The following EGFR variants were observed in gnomAD, a reference collection of about 807,000 sequenced individuals.
EGFR encodes epidermal growth factor receptor.
Under a neutral mutation model 143.0 loss-of-function variants are expected in EGFR, and 58 were observed. The observed-to-expected ratio is 0.41, with a 90% CI of 0.33 to 0.50. EGFR has a LOEUF of 0.50. Ranked by LOEUF, EGFR falls within the 20% of genes least tolerant of loss-of-function variation. EGFR has a pLI of 0.39. For synonymous variants in EGFR, 613 were observed against 594.4 expected, an observed-to-expected ratio of 1.03 and a Z score of -0.45; for missense variants, 1,307 against 1,579.0, an observed-to-expected ratio of 0.83 and a Z score of 2.92.
intron 1 of EGFR, among the ~76,000 whole-genome samples, chr7:55,097,009 C>T (rs1465842444): frequency 6.6e-6 from 1 of 152,190 alleles, no homozygotes; most frequent in Non-Finnish European, 1.5e-5. Flanking sequence ...GCTCCCTTTC[C>T]CTAGTAAGGA....
chr7:55,168,761 T>C, intron 15 of EGFR: 1 of 565,230 alleles, frequency 1.8e-6, no homozygotes, highest in Middle Eastern at 4.8e-4. Flanking sequence ...CCCAAAGCCA[T>C]TAATTATATA....
Position 55,151,378 on chromosome 7 carries a change from G to A in EGFR, c.628+16G>A, listed in dbSNP as rs1785141394. On this transcript the variant is annotated intron_variant, in intron 5 of 27. Coordinates refer to ENST00000275493, the MANE Select transcript of EGFR (RefSeq NM_005228.5). ...TGCCAGAAACGTAAGTCAGTGAACAGCCTCAGACCCATGTGTGACCGCCCC... is the reference window on the plus strand; with the variant it reads ...TGCCAGAAACGTAAGTCAGTGAACAACCTCAGACCCATGTGTGACCGCCCC... 2 of 1,613,930 alleles carry A rather than the reference G, an allele frequency of 1.2e-6. No homozygotes were observed. The highest frequency in any genetic ancestry group is 1.3e-5 in the African/African-American group (1 of 74,924).
At chr7:55,202,935 CTGTGTATGTGTGTG>C (rs1787918355) in intron 27 of EGFR, 4 of 625,492 alleles carry the variant, frequency 6.4e-6, no homozygotes, top group Middle Eastern at 4.1e-4. Context: ...GTGTGTACAT[CTGTGTATGTGTGTG>C]TGTGTATGTG....
intron 13 of EGFR, among the ~76,000 whole-genome samples, chr7:55,162,980 C>G (rs996346875): frequency 6.6e-6 from 1 of 152,172 alleles, no homozygotes; most frequent in Admixed American, 6.5e-5. Flanking sequence ...TTAGTAGAGA[C>G]GGGGTTTCAC....
chr7:55,096,559 G>A (rs899837280), intron 1 of EGFR, among the ~76,000 whole-genome samples: 3 of 152,194 alleles, frequency 2.0e-5, no homozygotes, highest in African/African-American at 7.2e-5. Flanking sequence ...AGGAAGACAG[G>A]AAGTGTCAGG....
intron 1 of EGFR, among the ~76,000 whole-genome samples, chr7:55,072,646 C>A (rs1562690281): frequency 2.0e-5 from 3 of 152,132 alleles, no homozygotes; most frequent in Non-Finnish European, 4.4e-5. Flanking sequence ...CTAATAGGAC[C>A]AACAGTGGTA....
At chr7:55,031,953 GT>G (rs1464340517) in intron 1 of EGFR, among the ~76,000 whole-genome samples, 1 of 152,192 alleles carries the variant, frequency 6.6e-6, no homozygotes, top group Non-Finnish European at 1.5e-5. Flanking sequence ...GTAGCATGAG[GT>G]GGTGGTCACA....
intron 21 of EGFR, among the ~76,000 whole-genome samples, chr7:55,192,486 A>T (rs1787442975): frequency 6.6e-6 from 1 of 152,214 alleles, no homozygotes; most frequent in Non-Finnish European, 1.5e-5. Context: ...AAACACACGC[A>T]GACCTGGATG....
chr7:55,138,938 G>T (rs1794307079), intron 1 of EGFR, among the ~76,000 whole-genome samples: 1 of 152,120 alleles, frequency 6.6e-6, no homozygotes, highest in Non-Finnish European at 1.5e-5. Context: ...AGGTGGTGGG[G>T]AAGAGAAAAA....
rs568687574 is a variant in EGFR, at chr7:55,057,205, A to C, written c.88+37840A>C. Reference sequence around the variant, plus strand: ...GATCAACTTTAAGAAGAATTTTTTAAAAGCTAGAGCAATCCTAAAATGGAA... The same window carrying C: ...GATCAACTTTAAGAAGAATTTTTTACAAGCTAGAGCAATCCTAAAATGGAA... On this transcript the variant is annotated intron_variant, in intron 1 of 27. Coordinates refer to ENST00000275493, the MANE Select transcript of EGFR (RefSeq NM_005228.5). Among the ~76,000 whole-genome samples, 25 of 152,314 alleles carry C rather than the reference A, an allele frequency of 1.6e-4. No individual in the cohort carries two copies. In the East Asian group the frequency reaches 4.8e-3, roughly 29 times the overall value.
At chr7:55,136,830 T>C (rs1318650758) in intron 1 of EGFR, among the ~76,000 whole-genome samples, 1 of 152,254 alleles carries the variant, frequency 6.6e-6, no homozygotes, top group Non-Finnish European at 1.5e-5. Flanking sequence ...CAGTGGACTG[T>C]GTCACCAGCA....
At chr7:55,171,153 A>T (rs773836626) in intron 15 of EGFR, 22 bp from the exon 16 acceptor site, 7 of 1,614,062 alleles carry the variant, frequency 4.3e-6, no homozygotes, top group Non-Finnish European at 5.9e-6. Context: ...AAAAATGTAT[A>T]TTTCTCTTTC....
chr7:55,060,851 C>A (rs1367107458), intron 1 of EGFR, among the ~76,000 whole-genome samples: 1 of 152,170 alleles, frequency 6.6e-6, no homozygotes, highest in African/African-American at 2.4e-5. Flanking sequence ...AACTGTGTAA[C>A]CATGTGAGCG....
intron 1 of EGFR, among the ~76,000 whole-genome samples, chr7:55,066,472 C>T (rs140575197): frequency 0.015 from 2,297 of 152,242 alleles, 57 homozygotes; most frequent in African/African-American, 0.052. Context: ...CGTCAGCCTG[C>T]GGCACACAAG....
Position 55,195,669 on chromosome 7 carries a change from C to G in EGFR, c.2701+2828C>G, listed in dbSNP as rs529865415. ...TATTTTTCCTGATCCTCTCCCTCCTCCCATCCTCCACCGTCCTATAGACCC... is the reference window on the plus strand; with the variant it reads ...TATTTTTCCTGATCCTCTCCCTCCTGCCATCCTCCACCGTCCTATAGACCC... On this transcript the variant is annotated intron_variant, in intron 22 of 27. Coordinates refer to ENST00000275493, the MANE Select transcript of EGFR (RefSeq NM_005228.5). 1.1e-4 allele frequency among the ~76,000 whole-genome samples: 17 copies of G among 152,288 alleles called. No individual in the cohort carries two copies. The East Asian group carries it at 1.2e-3, about 10-fold the overall frequency.
chr7:55,173,613 C>G (rs1786458293), intron 17 of EGFR, among the ~76,000 whole-genome samples: 1 of 152,266 alleles, frequency 6.6e-6, no homozygotes, highest in Non-Finnish European at 1.5e-5. Flanking sequence ...GACCGCCATG[C>G]ACAACTTCCC....
At chr7:55,049,601 C>A (rs113499335) in intron 1 of EGFR, among the ~76,000 whole-genome samples, 1 of 152,134 alleles carries the variant, frequency 6.6e-6, no homozygotes, top group African/African-American at 2.4e-5. Flanking sequence ...CCTCCCACTG[C>A]AGACCCTCTC....
chr7:55,192,722 G>A (rs2128965388), intron 21 of EGFR, 44 bp from the exon 22 acceptor site: 1 of 1,571,516 alleles, frequency 6.4e-7, no homozygotes, highest in Non-Finnish European at 8.8e-7. Flanking sequence ...CCAACAGAGG[G>A]AAACTAATAG....
chr7:55,044,563 A>G (rs998242356), intron 1 of EGFR, among the ~76,000 whole-genome samples: 2 of 152,224 alleles, frequency 1.3e-5, no homozygotes, highest in African/African-American at 4.8e-5. Context: ...GCTTCGAGCG[A>G]GTTACCAGAG....
Sources: allele counts gnomAD v4.1 joint callset (sites outside exome capture counted in the v4.1 genomes callset), GRCh38; gene constraint gnomAD v4.1.1; transcripts MANE v1.5; gene names NCBI Gene and HGNC (gene_info 2026-07-23, HGNC 2026-07-21).